LARGE1: variants seen among roughly 807,000 people sequenced by gnomAD.
LARGE1 encodes the protein LARGE xylosyl- and glucuronyltransferase 1, also known as xylosyl- and glucuronyltransferase LARGE1.
LARGE1 carries 43 observed loss-of-function variants against 87.6 expected under a neutral mutation model. The observed-to-expected ratio is 0.49, with a 90% CI of 0.38 to 0.63. LARGE1 has a LOEUF of 0.63. Among genes scored for constraint, LARGE1 ranks in the 30% least tolerant of loss-of-function variants. The pLI is 0.00. For synonymous variants in LARGE1, 434 were observed against 394.6 expected (o/e 1.10, Z -1.18); for missense variants, 802 against 1,000.2 (o/e 0.80, Z 2.67).
intron 5 of LARGE1, among the ~76,000 whole-genome samples, chr22:33,581,811 CAAAAA>C (rs130418): frequency 1.3e-5 from 1 of 77,394 alleles, no homozygotes; most frequent in Admixed American, 1.4e-4. Context: ...AACTCCGTCT[CAAAAA>C]AAAAAAAAAA....
chr22:33,067,906 G>A, the LARGE1 span, among the ~76,000 whole-genome samples: 2 of 152,088 alleles, frequency 1.3e-5, no homozygotes, highest in African/African-American at 2.4e-5. Flanking sequence ...GTTGAACCTG[G>A]GAGGCAGAGG....
intron 10 of LARGE1, among the ~76,000 whole-genome samples, chr22:33,324,228 C>CAAAAAAA (rs1161508287): frequency 7.4e-4 from 8 of 10,742 alleles, no homozygotes; most frequent in African/African-American, 1.2e-3. Flanking sequence ...GACTCCATCT[C>CAAAAAAA]AAAAAAAAAA....
intron 2 of LARGE1, among the ~76,000 whole-genome samples, chr22:33,705,270 A>G (rs893414126): frequency 1.3e-5 from 2 of 152,216 alleles, no homozygotes; most frequent in Non-Finnish European, 2.9e-5. Context: ...AGATTCTTGC[A>G]GAGTCTGTTC....
At chr22:33,572,590 T>A (rs954799298) in intron 5 of LARGE1, among the ~76,000 whole-genome samples, 2 of 152,196 alleles carry the variant, frequency 1.3e-5, no homozygotes, top group African/African-American at 4.8e-5. Flanking sequence ...CAGGGCTCGA[T>A]ATGAGTGTTT....
chr22:33,616,717 A>G (rs555677252), intron 4 of LARGE1, among the ~76,000 whole-genome samples: 2 of 152,358 alleles, frequency 1.3e-5, no homozygotes, highest in African/African-American at 4.8e-5. Flanking sequence ...CCAGTCCAAA[A>G]GACTAAATAC....
At position 33,778,785 on chromosome 22, in the gene LARGE1, G is replaced by T. The variant is rs1026754989; in HGVS notation, c.-82-17227C>A. Among the ~76,000 whole-genome samples the T allele has an allele frequency of 2.0e-5, 3 of 152,126 alleles. No homozygotes were observed. The South Asian group carries it at 6.2e-4, about 32-fold the overall frequency. ...CCTGCCTCAGCCTCCCCAGTAGCTG[G>T]GATTACAGGCGCCTGCCACCATACC... is the stretch of plus-strand genomic sequence containing the variant. On this transcript the variant is annotated intron_variant, in intron 1 of 14. Coordinates refer to ENST00000397394, the MANE Select transcript of LARGE1 (RefSeq NM_133642.5).
chr22:33,341,633 C>A (rs901851928), intron 9 of LARGE1, among the ~76,000 whole-genome samples: 1 of 152,168 alleles, frequency 6.6e-6, no homozygotes, highest in Non-Finnish European at 1.5e-5. Flanking sequence ...AACCACATCC[C>A]CACGAACTCC....
intron 1 of LARGE1, among the ~76,000 whole-genome samples, chr22:33,767,665 G>A (rs2084947265): frequency 6.6e-6 from 1 of 151,938 alleles, no homozygotes; most frequent in Non-Finnish European, 1.5e-5. Flanking sequence ...TAGCATCATG[G>A]ATGTTAGAAA....
At chr22:33,517,071 G>C (rs889273984) in intron 6 of LARGE1, among the ~76,000 whole-genome samples, 7 of 152,178 alleles carry the variant, frequency 4.6e-5, no homozygotes, top group African/African-American at 1.7e-4. Context: ...ATTCAGAAGA[G>C]CTGATGAAAA....
rs140737029 is a variant in LARGE1, at chr22:33,852,311, GT to G, written c.-83+67683del. Among the ~76,000 whole-genome samples the G allele has an allele frequency of 8.8e-3, 1,325 of 149,758 alleles. 12 individuals are homozygous for G. Among genetic ancestry groups the G allele is most frequent in the Middle Eastern group, 0.01 (3 of 292 alleles). ...ACTGAAACCGATGCTCCCAGATGAAGTTTTTTTTTTCCTGCCATCAACTGTG... is the reference window on the plus strand; with the variant it reads ...ACTGAAACCGATGCTCCCAGATGAAGTTTTTTTTTCCTGCCATCAACTGTG... On this transcript the variant is annotated intron_variant, in intron 1 of 14. Transcript: ENST00000397394.
rs145860937 is a variant in LARGE1 at position 33,446,066 on chromosome 22, G to C, written c.788-13801C>G. Among the ~76,000 whole-genome samples the C allele has an allele frequency of 9.8e-3, 1,500 of 152,318 alleles. 23 individuals carry two copies. Among genetic ancestry groups the C allele is most frequent in the African/African-American group, 0.033 (1,390 of 41,570 alleles). ...TTGAACTTCACCCTCAACCTGCAGG[G>C]AGGCGGCAGTGGCTGGAGACTGAAT... On this transcript the variant is annotated intron_variant, in intron 6 of 14. Transcript: ENST00000397394.
intron 6 of LARGE1, among the ~76,000 whole-genome samples, chr22:33,439,468 G>C (rs1019457081): frequency 6.6e-6 from 1 of 151,974 alleles, no homozygotes; most frequent in African/African-American, 2.4e-5. Context: ...CTGTCCCTTC[G>C]CTGATGTACT....
intron 4 of LARGE1, among the ~76,000 whole-genome samples, chr22:33,616,699 A>G (rs2079592305): frequency 6.6e-6 from 1 of 152,174 alleles, no homozygotes; most frequent in African/African-American, 2.4e-5. Context: ...CTGCCATATG[A>G]AAAAAAGCCA....
chr22:33,661,854 G>A (rs1408985700), intron 2 of LARGE1, among the ~76,000 whole-genome samples: 1 of 151,918 alleles, frequency 6.6e-6, no homozygotes, highest in Non-Finnish European at 1.5e-5. Flanking sequence ...GGAGGGAGGG[G>A]GACTACCAGA....
chr22:33,385,769 T>G lies in LARGE1; in HGVS notation c.893-1465A>C, dbSNP rs1486849699. Among the ~76,000 whole-genome samples, 2 of 147,972 alleles carry G rather than the reference T, an allele frequency of 1.4e-5. 1 individual carries two copies. Among genetic ancestry groups the G allele is most frequent in the South Asian group, 4.9e-4 (2 of 4,120 alleles). On this transcript the variant is annotated intron_variant, in intron 7 of 14. Coordinates refer to ENST00000397394, the MANE Select transcript of LARGE1 (RefSeq NM_133642.5). ...GCAGTCAATTTGGTGGGTGGAACTGTAGCACCCAGAGGCCCCCAAATCAAT... is the reference window on the plus strand; with the variant it reads ...GCAGTCAATTTGGTGGGTGGAACTGGAGCACCCAGAGGCCCCCAAATCAAT...
chr22:33,911,427 A>G (rs1313341906), intron 1 of LARGE1, among the ~76,000 whole-genome samples: 1 of 152,150 alleles, frequency 6.6e-6, no homozygotes, highest in African/African-American at 2.4e-5. Context: ...GGAAATGGGT[A>G]AAGACACCAA....
At chr22:33,186,369 T>G (rs745339948) in intron 11 of LARGE1, among the ~76,000 whole-genome samples, 1 of 152,174 alleles carries the variant, frequency 6.6e-6, no homozygotes, top group Non-Finnish European at 1.5e-5. Flanking sequence ...ATTTGAGAAG[T>G]AGCTACTGCA....
intron 9 of LARGE1, among the ~76,000 whole-genome samples, chr22:33,370,419 A>G (rs1191132423): frequency 1.3e-5 from 2 of 152,184 alleles, no homozygotes; most frequent in Non-Finnish European, 2.9e-5. Flanking sequence ...GAAAGGAAAC[A>G]AAAAAAGGTA....
chr22:33,150,323 T>C, the LARGE1 span, among the ~76,000 whole-genome samples: 3 of 152,028 alleles, frequency 2.0e-5, no homozygotes, highest in Non-Finnish European at 4.4e-5. Context: ...ATCTCCCATC[T>C]CCTCAGCTGC....
Sources: gnomAD v4.1 joint callset for allele counts (sites outside exome capture counted in the v4.1 genomes callset) on GRCh38, gnomAD v4.1.1 for gene constraint, MANE v1.5 for transcripts, NCBI Gene and HGNC (gene_info 2026-07-23, HGNC 2026-07-21) for gene names.